Variants in ZSWIM6 observed in about 807,000 individuals in gnomAD.
The protein encoded by ZSWIM6 is zinc finger SWIM domain-containing protein 6.
Under a neutral mutation model 113.2 loss-of-function variants are expected in ZSWIM6, and 9 were observed. The observed-to-expected ratio is 0.08, with a 90% confidence interval of 0.05 to 0.14. The LOEUF (loss-of-function observed/expected upper bound fraction) is 0.14, where lower values mean the gene tolerates loss of function less well. ZSWIM6 is among the 10% of genes least tolerant of loss of function. The pLI, the probability that ZSWIM6 is intolerant of heterozygous loss-of-function variation, is 1.00. For synonymous variants in ZSWIM6, 611 were observed against 606.5 expected, an observed-to-expected ratio of 1.01 and a Z score of -0.11; for missense variants, 1,162 against 1,552.2, an observed-to-expected ratio of 0.75 and a Z score of 4.22.
intron 1 of ZSWIM6, among the ~76,000 whole-genome samples, chr5:61,366,927 CAAAA>C (rs34423967): frequency 3.5e-5 from 3 of 86,110 alleles, no homozygotes; most frequent in Admixed American, 1.3e-4. Context: ...TCTGCTGTCT[CAAAA>C]AAAAAAAAAA....
At chr5:61,367,346 C>G (rs544726673) in intron 1 of ZSWIM6, among the ~76,000 whole-genome samples, 6 of 152,158 alleles carry the variant, frequency 3.9e-5, no homozygotes, top group Admixed American at 3.9e-4. Context: ...GCCTTGTACT[C>G]CTGGGTTCAA....
At chr5:61,455,148 T>A (rs1307946007) in intron 1 of ZSWIM6, among the ~76,000 whole-genome samples, 1 of 152,134 alleles carries the variant, frequency 6.6e-6, no homozygotes. Flanking sequence ...AGAAAAGTAA[T>A]TTATAAAAAA....
At chr5:61,392,451 A>T (rs936402329) in intron 1 of ZSWIM6, among the ~76,000 whole-genome samples, 3 of 152,200 alleles carry the variant, frequency 2.0e-5, no homozygotes, top group Non-Finnish European at 2.9e-5. Flanking sequence ...GGAAGCAAAA[A>T]TCACAGTTAA....
intron 1 of ZSWIM6, among the ~76,000 whole-genome samples, chr5:61,443,963 A>G (rs1746891320): frequency 6.6e-6 from 1 of 152,062 alleles, no homozygotes; most frequent in Non-Finnish European, 1.5e-5. Flanking sequence ...TATTATTATT[A>G]TACTTTAAGT....
chr5:61,345,979 C>T (rs1286901260), intron 1 of ZSWIM6, among the ~76,000 whole-genome samples: 1 of 152,160 alleles, frequency 6.6e-6, no homozygotes, highest in Non-Finnish European at 1.5e-5. Flanking sequence ...GAGTGTCGCT[C>T]TGTGGCCCAG....
At chr5:61,370,070 T>G (rs1334202169) in intron 1 of ZSWIM6, among the ~76,000 whole-genome samples, 10 of 152,246 alleles carry the variant, frequency 6.6e-5, no homozygotes, top group Admixed American at 6.5e-4. Context: ...AGACCCTAAG[T>G]GAGATCATAA....
At chr5:61,462,623 CT>C (rs1747343566) in intron 1 of ZSWIM6, among the ~76,000 whole-genome samples, 1 of 152,200 alleles carries the variant, frequency 6.6e-6, no homozygotes, top group Admixed American at 6.5e-5. Context: ...AGCAAGTGCA[CT>C]TACACTAACG....
At chr5:61,369,411 G>C (rs1315155587) in intron 1 of ZSWIM6, among the ~76,000 whole-genome samples, 1 of 152,166 alleles carries the variant, frequency 6.6e-6, no homozygotes, top group Non-Finnish European at 1.5e-5. Context: ...AGAGCATTCT[G>C]TGTTAACCAC....
chr5:61,381,481 A>G (rs1266305201), intron 1 of ZSWIM6, among the ~76,000 whole-genome samples: 1 of 152,234 alleles, frequency 6.6e-6, no homozygotes, highest in Non-Finnish European at 1.5e-5. Context: ...TTGAATTTAA[A>G]TAAGGCAAGG....
rs894566651 is a variant in ZSWIM6, at chr5:61,545,425, C to T, written c.*1108C>T. On this transcript the variant is annotated 3_prime_UTR_variant, in exon 14 of 14. Transcript: ENST00000252744. ...TATACAATATGCCGGAATTGGGGTT[C>T]GTGCCTCCTAGCCTAGGAAACTTAA... The T allele has an allele frequency of 1.3e-5, 2 of 152,008 alleles. No individual in the cohort carries two copies. The highest frequency in any genetic ancestry group is 2.4e-5 in the African/African-American group (1 of 41,378). The allele number at this position is 152,008 out of a possible 1,614,324, so 9.4% of individuals were successfully genotyped here.
At chr5:61,508,777 T>C (rs954565945) in intron 4 of ZSWIM6, among the ~76,000 whole-genome samples, 3 of 152,134 alleles carry the variant, frequency 2.0e-5, no homozygotes, top group Non-Finnish European at 4.4e-5. Flanking sequence ...TCTTCAAAGA[T>C]CTTGGAGCCC....
Position 61,526,407 on chromosome 5 carries a change from A to G in ZSWIM6, c.1837+11A>G. The stretch of plus-strand genomic sequence containing the variant: ...GAACCCAAAAAAAAGGTGAATGTGA[A>G]GGAGTTTGTTTCCATTGGAATGGGA... On this transcript the variant is annotated intron_variant, in intron 7 of 13. Transcript: ENST00000252744. The G allele has an allele frequency of 6.4e-7, 1 of 1,551,890 alleles. No individual in the cohort carries two copies. Among genetic ancestry groups the G allele is most frequent in the Non-Finnish European group, 8.7e-7 (1 of 1,146,958 alleles).
At chr5:61,349,672 C>A (rs1744741485) in intron 1 of ZSWIM6, among the ~76,000 whole-genome samples, 1 of 152,002 alleles carries the variant, frequency 6.6e-6, no homozygotes, top group Admixed American at 6.6e-5. Flanking sequence ...AGGCCAAAAG[C>A]TATTCTGAAA....
At chr5:61,502,665 G>T (rs772597749) in intron 4 of ZSWIM6, among the ~76,000 whole-genome samples, 1 of 152,166 alleles carries the variant, frequency 6.6e-6, no homozygotes, top group Non-Finnish European at 1.5e-5. Context: ...GTATCAGTCC[G>T]TGGCCTGTTA....
At chr5:61,420,290 A>G (rs1262092211) in intron 1 of ZSWIM6, among the ~76,000 whole-genome samples, 1 of 152,252 alleles carries the variant, frequency 6.6e-6, no homozygotes, top group Non-Finnish European at 1.5e-5. Context: ...GTGATGGAGC[A>G]TGTGAAAGAC....
chr5:61,399,197 T>C (rs924116424), intron 1 of ZSWIM6, among the ~76,000 whole-genome samples: 2 of 151,326 alleles, frequency 1.3e-5, no homozygotes, highest in Non-Finnish European at 2.9e-5. Flanking sequence ...AGGGCTGGGA[T>C]TACAGGTGTG....
At chr5:61,541,987 A>C (rs1184361223) in intron 13 of ZSWIM6, 22 bp downstream of exon 13, 1 of 1,543,424 alleles carries the variant, frequency 6.5e-7, no homozygotes, top group Non-Finnish European at 8.8e-7. Flanking sequence ...CTGGAACAGA[A>C]GCTTTCCTAG....
At chr5:61,526,175 C>T in intron 6 of ZSWIM6, 75 bp from the exon 7 acceptor site, 2 of 1,476,238 alleles carry the variant, frequency 1.4e-6, no homozygotes, top group East Asian at 2.5e-5. Context: ...TTGGGAGAAA[C>T]ATCTTACTAT....
chr5:61,354,023 TA>T (rs1228188478), intron 1 of ZSWIM6, among the ~76,000 whole-genome samples: 1 of 152,214 alleles, frequency 6.6e-6, no homozygotes, highest in Non-Finnish European at 1.5e-5. Context: ...GAGCAAGCCT[TA>T]AAATGTGCTT....
Sources: gnomAD v4.1 joint callset for allele counts (sites outside exome capture counted in the v4.1 genomes callset) on GRCh38, gnomAD v4.1.1 for gene constraint, MANE v1.5 for transcripts, NCBI Gene and HGNC (gene_info 2026-07-23, HGNC 2026-07-21) for gene names.